The following PLGRKT variants were observed in gnomAD, a reference collection of about 807,000 sequenced individuals.
The protein encoded by PLGRKT is plasminogen receptor (KT).
In PLGRKT, 22 loss-of-function variants were observed where a neutral mutation model predicts 18.5. The observed-to-expected ratio is 1.19, with a 90% CI of 0.85 to 1.70. PLGRKT has a LOEUF of 1.70. Among genes scored for constraint, PLGRKT ranks in the 40% most tolerant of loss-of-function variants. The pLI is 0.00. For missense variants in PLGRKT, 235 were observed against 174.4 expected (o/e 1.35, Z -1.96); for synonymous variants, 72 against 52.8 (o/e 1.36, Z -1.58).
intron 3 of PLGRKT, among the ~76,000 whole-genome samples, chr9:5,430,424 T>A (rs1386233591): frequency 4.6e-5 from 7 of 152,200 alleles, no homozygotes. Flanking sequence ...ATTCTTTCAA[T>A]TGTTTCATTG....
chr9:5,403,087 G>T (rs1296606221), intron 3 of PLGRKT, among the ~76,000 whole-genome samples: 3 of 151,792 alleles, frequency 2.0e-5, no homozygotes, highest in Non-Finnish European at 4.4e-5. Flanking sequence ...AATCATTATT[G>T]GTCTCAATGT....
intron 3 of PLGRKT, among the ~76,000 whole-genome samples, chr9:5,417,246 C>A (rs182883300): frequency 6.6e-6 from 1 of 152,222 alleles, no homozygotes; most frequent in East Asian, 1.9e-4. Context: ...TAGTATGTGA[C>A]CCCTAATATT....
chr9:5,397,491 A>G (rs1045813492), intron 3 of PLGRKT, among the ~76,000 whole-genome samples: 2 of 151,444 alleles, frequency 1.3e-5, no homozygotes, highest in African/African-American at 4.9e-5. Flanking sequence ...CACCTTAGAT[A>G]GGTGTTCATC....
At chr9:5,370,097 GTAAAAA>G (rs984912872) in intron 3 of PLGRKT, among the ~76,000 whole-genome samples, 1 of 151,894 alleles carries the variant, frequency 6.6e-6, no homozygotes, top group African/African-American at 2.4e-5. Flanking sequence ...AAAAATAAAA[GTAAAAA>G]TAAAAATAAA....
At chr9:5,438,295 T>C (rs73397171), upstream of PLGRKT, among the ~76,000 whole-genome samples, 4,809 of 152,306 alleles carry the variant, frequency 0.032, 261 homozygotes, top group African/African-American at 0.11. Flanking sequence ...CAGCAATTTC[T>C]ATCTTGAATA....
At chr9:5,431,812 T>TCAAAGAGAATGTACGGCTGGAGTACATG (rs1818831655) in intron 3 of PLGRKT, 85 bp downstream of exon 3, 1 of 680,530 alleles carries the variant, frequency 1.5e-6, no homozygotes, top group Non-Finnish European at 2.7e-6. Flanking sequence ...TTGTTGGGAG[T>TCAAAGAGAATGTACGGCTGGAGTACATG]CAAAGAGAAT....
intron 3 of PLGRKT, among the ~76,000 whole-genome samples, chr9:5,400,746 A>G (rs1416775568): frequency 5.3e-5 from 8 of 152,052 alleles, no homozygotes; most frequent in Non-Finnish European, 1.0e-4. Context: ...TTTAATAAGC[A>G]TTGAATAAGT....
At chr9:5,371,751 A>T (rs1817520874) in intron 3 of PLGRKT, among the ~76,000 whole-genome samples, 1 of 152,042 alleles carries the variant, frequency 6.6e-6, no homozygotes, top group Admixed American at 6.6e-5. Flanking sequence ...ACAATTCCAG[A>T]TTGTCTATTG....
At chr9:5,430,288 T>C (rs923273368) in intron 3 of PLGRKT, among the ~76,000 whole-genome samples, 12 of 152,244 alleles carry the variant, frequency 7.9e-5, no homozygotes, top group African/African-American at 2.9e-4. Context: ...AACATAAGAG[T>C]AAAAACCCTG....
At chr9:5,433,632 G>C (rs1818884453) in intron 2 of PLGRKT, among the ~76,000 whole-genome samples, 1 of 145,684 alleles carries the variant, frequency 6.9e-6, no homozygotes. Flanking sequence ...GATGTGAGGA[G>C]CGCCTTGGCC....
At chr9:5,426,589 G>C (rs900172989) in intron 3 of PLGRKT, among the ~76,000 whole-genome samples, 2 of 152,178 alleles carry the variant, frequency 1.3e-5, no homozygotes, top group African/African-American at 4.8e-5. Context: ...ATAATAAAGT[G>C]TATCTTGATC....
rs572939275 is a variant in PLGRKT, at chr9:5,416,130, A to AT, written c.81+15766dup. 3.6e-3 allele frequency among the ~76,000 whole-genome samples: 544 copies of AT among 152,092 alleles called. 2 individuals are homozygous for AT. The highest frequency in any genetic ancestry group is 0.011 in the African/African-American group (441 of 41,458). On this transcript the variant is annotated intron_variant, in intron 3 of 5. Coordinates refer to ENST00000223864, the MANE Select transcript of PLGRKT (RefSeq NM_018465.4). ...ATCTAAAATTATTTCAAAATTAAAC[A>AT]TTTTTTTTAAAAATATGGATTCACT...
chr9:5,386,445 G>A (rs1489529618), intron 3 of PLGRKT, among the ~76,000 whole-genome samples: 2 of 151,736 alleles, frequency 1.3e-5, no homozygotes, highest in South Asian at 4.1e-4. Context: ...GCATCTAGTG[G>A]GTAGAGGTCA....
At chr9:5,383,559 C>T (rs1817785384) in intron 3 of PLGRKT, among the ~76,000 whole-genome samples, 2 of 152,220 alleles carry the variant, frequency 1.3e-5, no homozygotes, top group East Asian at 1.9e-4. Flanking sequence ...ATACAACTCA[C>T]CATAATGTAC....
chr9:5,358,762 T>C (rs1213335810), intron 5 of PLGRKT, among the ~76,000 whole-genome samples: 2 of 152,220 alleles, frequency 1.3e-5, no homozygotes, highest in Non-Finnish European at 2.9e-5. Flanking sequence ...TTCTAATTTT[T>C]CAGAAAAGCT....
intron 3 of PLGRKT, among the ~76,000 whole-genome samples, chr9:5,420,059 T>C (rs1204995638): frequency 1.3e-5 from 2 of 152,250 alleles, no homozygotes; most frequent in Admixed American, 6.5e-5. Context: ...AATGAGGTAC[T>C]GATACATGTT....
At chr9:5,428,748 A>C (rs553710035) in intron 3 of PLGRKT, among the ~76,000 whole-genome samples, 277 of 152,298 alleles carry the variant, frequency 1.8e-3, no homozygotes, top group Non-Finnish European at 3.5e-3. Context: ...ACCAGGCTGG[A>C]GTACAGTGGT....
At chr9:5,403,795 G>C (rs994043420) in intron 3 of PLGRKT, among the ~76,000 whole-genome samples, 1 of 152,248 alleles carries the variant, frequency 6.6e-6, no homozygotes, top group South Asian at 2.1e-4. Context: ...TGAGAAAATG[G>C]GCTCATGCAC....
intron 3 of PLGRKT, among the ~76,000 whole-genome samples, chr9:5,364,801 G>T (rs114945130): frequency 0.01 from 1,575 of 152,294 alleles, 35 homozygotes; most frequent in African/African-American, 0.036. Context: ...GAAGATGGTG[G>T]AAGCCAGGTT....
Sources: gnomAD v4.1 joint callset for allele counts (sites outside exome capture counted in the v4.1 genomes callset) on GRCh38, gnomAD v4.1.1 for gene constraint, MANE v1.5 for transcripts, NCBI Gene and HGNC (gene_info 2026-07-23, HGNC 2026-07-21) for gene names.